Variants in REEP5 observed in about 807,000 individuals in gnomAD.
REEP5 encodes the protein receptor accessory protein 5.
In REEP5, 24 loss-of-function variants were observed where a neutral mutation model predicts 22.4. The observed-to-expected ratio is 1.07, with a 90% CI of 0.78 to 1.51. REEP5 has a LOEUF of 1.51. Ranked by LOEUF, REEP5 falls within the 40% of genes most tolerant of loss-of-function variation. REEP5 has a pLI of 0.00. For missense variants in REEP5, 252 were observed against 233.0 expected, an observed-to-expected ratio of 1.08 and a Z score of -0.53; for synonymous variants, 103 against 88.6, an observed-to-expected ratio of 1.16 and a Z score of -0.92.
intron 3 of REEP5, chr5:112,892,445 C>G (rs760826483): frequency 5.6e-6 from 9 of 1,614,000 alleles, no homozygotes; most frequent in Non-Finnish European, 7.6e-6. Context: ...AATTTGGAAC[C>G]TCACCTGAGG....
chr5:112,907,194 G>C (rs1354638551), intron 2 of REEP5, among the ~76,000 whole-genome samples: 1 of 152,076 alleles, frequency 6.6e-6, no homozygotes, highest in Non-Finnish European at 1.5e-5. Flanking sequence ...ATGGCAACAG[G>C]CAACAATTCC....
At chr5:112,878,894 G>C in intron 4 of REEP5, 59 bp from the exon 5 acceptor site, 3 of 1,612,908 alleles carry the variant, frequency 1.9e-6, no homozygotes, top group Non-Finnish European at 2.5e-6. Flanking sequence ...TGGAATGCAA[G>C]CTTGCAAGCT....
At chr5:112,879,619 A>G (rs1434025476) in intron 4 of REEP5, among the ~76,000 whole-genome samples, 1 of 151,428 alleles carries the variant, frequency 6.6e-6, no homozygotes, top group East Asian at 1.9e-4. Flanking sequence ...GACTACATGC[A>G]CTCACCACCA....
At chr5:112,894,512 T>C (rs1030910527) in intron 3 of REEP5, 3 of 152,254 alleles carry the variant, frequency 2.0e-5, no homozygotes, top group Non-Finnish European at 4.4e-5. Flanking sequence ...TACAACATTA[T>C]GATATGCAGG....
chr5:112,878,981 C>A, intron 4 of REEP5, 146 bp from the exon 5 acceptor site: 1 of 1,310,488 alleles, frequency 7.6e-7, no homozygotes, highest in Non-Finnish European at 1.1e-6. Flanking sequence ...GGTTTGTGGT[C>A]TGGGCTAAGA....
chr5:112,888,495 T>C (rs548860304), intron 3 of REEP5, among the ~76,000 whole-genome samples: 2 of 152,280 alleles, frequency 1.3e-5, no homozygotes, highest in Non-Finnish European at 2.9e-5. Flanking sequence ...TGAACATGGC[T>C]TACTGCAGCC....
intron 3 of REEP5, among the ~76,000 whole-genome samples, chr5:112,889,318 C>A (rs1319618998): frequency 6.6e-6 from 1 of 150,690 alleles, no homozygotes; most frequent in Non-Finnish European, 1.5e-5. Flanking sequence ...AAGAAACATA[C>A]CTACAACAAA....
intron 3 of REEP5, chr5:112,896,733 G>T (rs527299597): frequency 1.5e-4 from 23 of 151,830 alleles, no homozygotes; most frequent in African/African-American, 5.6e-4. Flanking sequence ...CAGGAGTTGA[G>T]ACCAGCCTGG....
At chr5:112,898,801 T>G (rs151978) in intron 3 of REEP5, among the ~76,000 whole-genome samples, 54,800 of 152,084 alleles carry the variant, frequency 0.36, 10,159 homozygotes, top group African/African-American at 0.45. Context: ...TTTTTATAAA[T>G]GTTAAATGAC....
At chr5:112,893,546 A>T (rs1168539621) in intron 3 of REEP5, 2 of 154,008 alleles carry the variant, frequency 1.3e-5, no homozygotes, top group African/African-American at 4.8e-5. Flanking sequence ...CCTATTCCTT[A>T]CATTTAAAGA....
intron 4 of REEP5, among the ~76,000 whole-genome samples, chr5:112,881,779 A>T (rs570124077): frequency 6.6e-6 from 1 of 152,072 alleles, no homozygotes; most frequent in African/African-American, 2.4e-5. Flanking sequence ...TTATTTATTT[A>T]TTTAGAGACA....
At chr5:112,892,543 C>G (rs755658566) in intron 3 of REEP5, 9 of 1,614,092 alleles carry the variant, frequency 5.6e-6, no homozygotes, top group Non-Finnish European at 7.6e-6. Context: ...AGGACGACAG[C>G]TGCAATGTGA....
intron 3 of REEP5, chr5:112,898,369 C>T (rs1278704201): frequency 6.6e-6 from 1 of 152,246 alleles, no homozygotes; most frequent in African/African-American, 2.4e-5. Context: ...TTCATGAACA[C>T]TATGATGCCA....
chr5:112,903,464 T>A (rs1471905824), intron 2 of REEP5, among the ~76,000 whole-genome samples: 1 of 152,178 alleles, frequency 6.6e-6, no homozygotes, highest in Non-Finnish European at 1.5e-5. Flanking sequence ...GATAAAAGAC[T>A]ACACATTGGG....
At chr5:112,921,545 G>GGACGGTCCCAGGCACCCC (rs1769367978) in intron 1 of REEP5, 1 of 466,964 alleles carries the variant, frequency 2.1e-6, no homozygotes, top group African/African-American at 2.0e-5. Context: ...CCAGGCACCC[G>GGACGGTCCCAGGCACCCC]CTTCCGCCCT....
intron 1 of REEP5, 133 bp from the exon 2 acceptor site, chr5:112,921,389 C>A: frequency 1.2e-6 from 1 of 829,268 alleles, no homozygotes; most frequent in South Asian, 1.5e-5. Context: ...GCGAGAAAAA[C>A]AAACCACACG....
At chr5:112,916,240 A>C (rs552053295) in intron 2 of REEP5, among the ~76,000 whole-genome samples, 36 of 152,322 alleles carry the variant, frequency 2.4e-4, no homozygotes, top group African/African-American at 8.7e-4. Flanking sequence ...CAACTCTTGT[A>C]GATATTTTCA....
At chr5:112,897,641 A>G (rs759533251) in intron 3 of REEP5, 1 of 152,384 alleles carries the variant, frequency 6.6e-6, no homozygotes, top group Admixed American at 6.5e-5. Context: ...ATCATATATT[A>G]TCTTCTCAAC....
Position 112,887,012 on chromosome 5 carries a change from T to C in REEP5, c.520+3A>G, listed in dbSNP as rs748486051. The C allele has an allele frequency of 3.3e-5, 53 of 1,595,496 alleles. No individual in the cohort carries two copies. The South Asian group carries it at 4.9e-4, about 15-fold the overall frequency. ...GTGGGGCCATCTTGTTCCTGAGTCT[T>C]ACCTTCTTTAGTGATGGCATCTGCA... On this transcript the variant is annotated splice_donor_region_variant and intron_variant, in intron 4 of 4. Transcript: ENST00000379638.
Sources: allele counts gnomAD v4.1 joint callset (sites outside exome capture counted in the v4.1 genomes callset), GRCh38; gene constraint gnomAD v4.1.1; transcripts MANE v1.5; gene names NCBI Gene and HGNC (gene_info 2026-07-23, HGNC 2026-07-21).